The following ERP27 variants were observed in gnomAD, a reference collection of about 807,000 sequenced individuals.
The protein encoded by ERP27 is endoplasmic reticulum resident protein 27.
ERP27 carries 23 observed loss-of-function variants against 27.7 expected under a neutral mutation model. That is an observed-to-expected ratio of 0.83 (90% CI 0.60 to 1.18). ERP27 has a LOEUF of 1.18. Ranked by LOEUF, ERP27 falls within the 50% of genes most tolerant of loss-of-function variation. The pLI is 0.00. For missense variants in ERP27, 363 were observed against 327.9 expected (o/e 1.11, Z -0.83); for synonymous variants, 159 against 118.3 (o/e 1.34, Z -2.23).
Position 14,914,681 on chromosome 12 carries a change from C to T in ERP27, c.*54G>A, listed in dbSNP as rs1863380588. ...TAGTGTCTCTGAGATTTGAGTTGTG[C>T]CTTTTTACTTTGCATAAAGTAGATA... On this transcript the variant is annotated 3_prime_UTR_variant, in exon 7 of 7. Transcript: ENST00000266397. The T allele has an allele frequency of 6.5e-7, 1 of 1,530,552 alleles. No individual in the cohort carries two copies. The highest frequency in any genetic ancestry group is 9.0e-7 in the Non-Finnish European group (1 of 1,113,336). The allele number at this position is 1,530,552 out of a possible 1,614,324, so 94.8% of individuals were successfully genotyped here. A position where few individuals can be genotyped will look rare whatever the true frequency, so the allele number is the denominator to read the frequency against.
chr12:14,917,876 A>G (rs79374068), intron 4 of ERP27, among the ~76,000 whole-genome samples: 2,680 of 152,340 alleles, frequency 0.018, 40 homozygotes, highest in South Asian at 0.042. Context: ...CAGAAACTGC[A>G]TGAGATTATC....
chr12:14,927,918 G>A (rs1863631130), intron 3 of ERP27, among the ~76,000 whole-genome samples: 1 of 152,098 alleles, frequency 6.6e-6, no homozygotes. Context: ...TTGAAAGATA[G>A]GACTTCATTC....
intron 5 of ERP27, chr12:14,915,902 G>T: frequency 2.0e-6 from 1 of 506,300 alleles, no homozygotes; most frequent in Non-Finnish European, 3.5e-6. Flanking sequence ...ATTATCCTTA[G>T]CAAACTAACA....
chr12:14,937,845 A>G, intron 2 of ERP27, 107 bp downstream of exon 2: 1 of 836,340 alleles, frequency 1.2e-6, no homozygotes, highest in South Asian at 1.6e-5. Flanking sequence ...GTCTCCCTTT[A>G]CCCCCACTTC....
intron 3 of ERP27, among the ~76,000 whole-genome samples, chr12:14,927,467 C>T (rs958085568): frequency 2.7e-5 from 4 of 148,394 alleles, no homozygotes; most frequent in Non-Finnish European, 4.5e-5. Context: ...TTTTTAGGTA[C>T]AGCTCTGTAG....
chr12:14,936,083 G>C (rs985510039), intron 2 of ERP27, among the ~76,000 whole-genome samples: 2 of 151,912 alleles, frequency 1.3e-5, no homozygotes, highest in African/African-American at 4.8e-5. Context: ...CAAATAAACT[G>C]GCTTTTCCTC....
chr12:14,935,928 C>T (rs1863766616), intron 2 of ERP27, among the ~76,000 whole-genome samples: 1 of 152,046 alleles, frequency 6.6e-6, no homozygotes, highest in Admixed American at 6.6e-5. Context: ...TGCCATGTTG[C>T]CCAGGCCAGC....
intron 2 of ERP27, 25 bp from the exon 3 acceptor site, chr12:14,935,018 C>A (rs114812504): frequency 6.2e-7 from 1 of 1,609,384 alleles, no homozygotes; most frequent in Admixed American, 1.7e-5. Flanking sequence ...AAAAATAATA[C>A]CACAGTGGTT....
chr12:14,933,907 C>T (rs1863734857), intron 3 of ERP27, among the ~76,000 whole-genome samples: 1 of 152,154 alleles, frequency 6.6e-6, no homozygotes, highest in Non-Finnish European at 1.5e-5. Context: ...CAAAAGCTCC[C>T]TCTTCTCTTG....
intron 3 of ERP27, among the ~76,000 whole-genome samples, chr12:14,926,967 C>T (rs1416511487): frequency 6.6e-6 from 1 of 152,136 alleles, no homozygotes; most frequent in Non-Finnish European, 1.5e-5. Context: ...TGTTCAGTGA[C>T]AAATTCTCCC....
intron 3 of ERP27, among the ~76,000 whole-genome samples, chr12:14,927,620 C>G (rs972562955): frequency 6.6e-6 from 1 of 152,148 alleles, no homozygotes; most frequent in Non-Finnish European, 1.5e-5. Flanking sequence ...GCTTCTAGAA[C>G]TGACCAAAGC....
rs560742273 is a variant in ERP27, at chr12:14,924,353, C to T, written c.334-3305G>A. ...AATGAACATGGGAGTGCAGATATCTCCTCGACATACTATTGATTTCATTTC... is the reference window on the plus strand; with the variant it reads ...AATGAACATGGGAGTGCAGATATCTTCTCGACATACTATTGATTTCATTTC... On this transcript the variant is annotated intron_variant, in intron 3 of 6. Coordinates refer to ENST00000266397, the MANE Select transcript of ERP27 (RefSeq NM_152321.4). 2.0e-5 allele frequency among the ~76,000 whole-genome samples: 3 copies of T among 152,230 alleles called. No homozygotes were observed. In the South Asian group the frequency reaches 6.2e-4, roughly 32 times the overall value.
Position 14,917,253 on chromosome 12 carries a change from T to C in ERP27, c.501A>G (p.Ile167Met), listed in dbSNP as rs79989395. 8,729 of 1,614,108 alleles carry C rather than the reference T, an allele frequency of 5.4e-3. 197 individuals carry two copies. Among genetic ancestry groups the C allele is most frequent in the East Asian group, 0.04 (1,786 of 44,872 alleles). The change falls in exon 5 of 7, where the codon ATA becomes ATG. Residue 167 changes from isoleucine to methionine, a missense_variant. By Grantham distance (10) the Ile-to-Met change is conservative. Coordinates refer to ENST00000266397, the MANE Select transcript of ERP27 (RefSeq NM_152321.4). ...NSVIQIHLLLIMNKASPEYEE... is the reference protein window; with the variant it reads ...NSVIQIHLLLMMNKASPEYEE... Reference sequence around the variant, plus strand: ...CATACTCTGGGGAGGCCTTGTTCATTATCAGGAGGAGATGAATCTGAATTA... The same window carrying C: ...CATACTCTGGGGAGGCCTTGTTCATCATCAGGAGGAGATGAATCTGAATTA...
intron 4 of ERP27, among the ~76,000 whole-genome samples, chr12:14,918,754 T>C (rs1354055836): frequency 6.6e-6 from 1 of 152,190 alleles, no homozygotes; most frequent in Non-Finnish European, 1.5e-5. Context: ...GCCTACAATA[T>C]GTAGGCAAGG....
chr12:14,919,122 T>G (rs1339755080), intron 4 of ERP27, among the ~76,000 whole-genome samples: 1 of 152,220 alleles, frequency 6.6e-6, no homozygotes, highest in Non-Finnish European at 1.5e-5. Flanking sequence ...CAGTTGCTAC[T>G]GGTGCAAACC....
Position 14,917,275 on chromosome 12 carries a change from AT to A in ERP27, c.478del (p.Ile160PhefsTer7). On this transcript the variant is annotated frameshift_variant, in exon 5 of 7. Transcript: ENST00000266397. LOFTEE classifies it high-confidence loss of function. ...VTVIGLFNSVIQIHLLLIMNK... is the reference protein window; with the variant it reads ...VTVIGLFNSVXQIHLLLIMNK... ...CATTATCAGGAGGAGATGAATCTGA[AT>A]TACGCTGTTGAATAACCCAATCACA... The A allele has an allele frequency of 6.2e-7, 1 of 1,614,142 alleles. No homozygotes were observed. Among genetic ancestry groups the A allele is most frequent in the Non-Finnish European group, 8.5e-7 (1 of 1,180,006 alleles).
intron 3 of ERP27, among the ~76,000 whole-genome samples, chr12:14,926,479 TCTATGTATTCCAAATG>T (rs1213903760): frequency 6.6e-6 from 1 of 152,232 alleles, no homozygotes; most frequent in Non-Finnish European, 1.5e-5. Flanking sequence ...TTCCATTGGT[TCTATGTATTCCAAATG>T]CTATTTTTCT....
In ERP27 at chr12:14,915,585, C is replaced by G; in HGVS notation, c.678G>C (p.Gln226His). ...GTGTATCCCACTCGTCATCTAGAGTCTGGTAAATTGCCAAAGCTGGCAGTT... is the reference window on the plus strand; with the variant it reads ...GTGTATCCCACTCGTCATCTAGAGTGTGGTAAATTGCCAAAGCTGGCAGTT... The part of the protein sequence containing the change: ...ESQLPALAIY[Q>H]TLDDEWDTLP... Residue 226 changes from glutamine (Q) to histidine (H), a missense_variant, in exon 6 of 7, where the codon CAG becomes CAC. Coordinates refer to ENST00000266397, the MANE Select transcript of ERP27 (RefSeq NM_152321.4). The G allele has an allele frequency of 6.2e-7, 1 of 1,614,206 alleles. No homozygotes were observed. Among genetic ancestry groups the G allele is most frequent in the Non-Finnish European group, 8.5e-7 (1 of 1,180,040 alleles).
intron 2 of ERP27, among the ~76,000 whole-genome samples, chr12:14,935,876 A>G (rs1201363665): frequency 6.6e-6 from 1 of 152,020 alleles, no homozygotes; most frequent in Non-Finnish European, 1.5e-5. Flanking sequence ...TCACCACCAT[A>G]CTTGGCTAAT....
Sources: allele counts gnomAD v4.1 joint callset (sites outside exome capture counted in the v4.1 genomes callset), GRCh38; gene constraint gnomAD v4.1.1; transcripts MANE v1.5; gene names NCBI Gene and HGNC (gene_info 2026-07-23, HGNC 2026-07-21).